The following ATIC variants were observed in gnomAD, a reference collection of about 807,000 sequenced individuals.
The protein encoded by ATIC is bifunctional purine biosynthesis protein ATIC.
Under a neutral mutation model 72.5 loss-of-function variants are expected in ATIC, and 64 were observed. That is an observed-to-expected ratio of 0.88 (90% CI 0.72 to 1.09). The LOEUF (loss-of-function observed/expected upper bound fraction) is 1.09. ATIC is among the 50% of genes least tolerant of loss of function. The pLI is 0.00. For synonymous variants in ATIC, 281 were observed against 267.1 expected (o/e 1.05, Z -0.51); for missense variants, 787 against 732.4 (o/e 1.07, Z -0.86).
At chr2:215,368,429 C>T in the ATIC span, among the ~76,000 whole-genome samples, 1 of 152,150 alleles carries the variant, frequency 6.6e-6, no homozygotes, top group Non-Finnish European at 1.5e-5. Flanking sequence ...TGCCTTGCTT[C>T]CCTCATCTGC....
At chr2:215,326,430 C>T (rs1375045351) in intron 6 of ATIC, among the ~76,000 whole-genome samples, 2 of 151,958 alleles carry the variant, frequency 1.3e-5, no homozygotes, top group East Asian at 1.9e-4. Flanking sequence ...TGTGGTGAAA[C>T]CCTGTCTCTA....
intron 11 of ATIC, among the ~76,000 whole-genome samples, chr2:215,336,853 G>A (rs1286023931): frequency 6.6e-6 from 1 of 152,138 alleles, no homozygotes; most frequent in Non-Finnish European, 1.5e-5. Flanking sequence ...AGATGTTGTA[G>A]GCAAATTCAT....
the ATIC span, chr2:215,362,057 C>T: frequency 6.3e-4 from 1,013 of 1,613,838 alleles, no homozygotes; most frequent in Non-Finnish European, 8.2e-4. Context: ...CCCAGGTCTG[C>T]GGCAGTTGTC....
rs1423098437 is a variant in ATIC at position 215,349,131 on chromosome 2, A to G, written c.1541A>G (p.Glu514Gly). ...ATAAAGTGGAAGGCACTGTTTGAGG[A>G]AGTCCCTGAGTTACTCACTGAGGCA... Reference protein sequence around the residue: ...DLIKWKALFEEVPELLTEAEK... With the variant: ...DLIKWKALFEGVPELLTEAEK... Residue 514 changes from glutamate to glycine, a missense_variant, in exon 15 of 16, where the codon GAA becomes GGA. Coordinates refer to ENST00000236959, the MANE Select transcript of ATIC (RefSeq NM_004044.7). The G allele has an allele frequency of 6.2e-7, 1 of 1,614,082 alleles. No homozygotes were observed.
At chr2:215,352,127 A>G (rs958642193), downstream of ATIC, among the ~76,000 whole-genome samples, 1 of 152,216 alleles carries the variant, frequency 6.6e-6, no homozygotes, top group African/African-American at 2.4e-5. Flanking sequence ...CTGGAACAAA[A>G]AAAGGACATT....
the ATIC span, chr2:215,365,356 A>G: frequency 1.1e-6 from 1 of 873,638 alleles, no homozygotes; most frequent in African/African-American, 1.7e-5. Context: ...GCTTGTCTCC[A>G]CTTTCCCAAA....
intron 11 of ATIC, among the ~76,000 whole-genome samples, chr2:215,337,927 G>A (rs2106027850): frequency 6.6e-6 from 1 of 152,276 alleles, no homozygotes; most frequent in Non-Finnish European, 1.5e-5. Flanking sequence ...CCCTCTACCT[G>A]ACTAATGATA....
intron 4 of ATIC, among the ~76,000 whole-genome samples, chr2:215,320,547 C>T (rs1043246861): frequency 2.0e-5 from 3 of 151,964 alleles, no homozygotes; most frequent in African/African-American, 7.2e-5. Flanking sequence ...AGGAGTTGCC[C>T]AGCTCTTTTA....
At chr2:215,318,073 G>A in intron 2 of ATIC, 84 bp from the exon 3 acceptor site, 2 of 1,247,496 alleles carry the variant, frequency 1.6e-6, no homozygotes, top group Admixed American at 1.7e-5. Context: ...AAAATCTCTT[G>A]AAATGAAAAC....
At chr2:215,368,062 A>G in the ATIC span, 1 of 1,606,404 alleles carries the variant, frequency 6.2e-7, no homozygotes, top group Non-Finnish European at 8.5e-7. Context: ...AAAAAGAGAC[A>G]TCTTATTAAT....
At chr2:215,328,525 C>A (rs1397924209) in intron 7 of ATIC, among the ~76,000 whole-genome samples, 1 of 152,040 alleles carries the variant, frequency 6.6e-6, no homozygotes, top group Admixed American at 6.6e-5. Flanking sequence ...GTCCCCTTCA[C>A]CCAGAATTCT....
At position 215,326,977 on chromosome 2, in the gene ATIC, A is replaced by G; in HGVS notation, c.687A>G (p.Thr229=). ...CACTGCAGCCCAAGCTTCCCATCACAGGTAAAGCCCGAGCGTTCTGTGGCA... is the reference window on the plus strand; with the variant it reads ...CACTGCAGCCCAAGCTTCCCATCACGGGTAAAGCCCGAGCGTTCTGTGGCA... ...LYTLQPKLPI[T]VLNGAPGFIN... The change falls in exon 7 of 16, where the codon ACA becomes ACG. Residue 229 remains threonine, a splice_region_variant and synonymous_variant. Transcript: ENST00000236959. 6.2e-7 allele frequency: 1 copy of G among 1,614,156 alleles called. No individual in the cohort carries two copies. Among genetic ancestry groups the G allele is most frequent in the Non-Finnish European group, 8.5e-7 (1 of 1,180,032 alleles).
intron 15 of ATIC, 136 bp downstream of exon 15, chr2:215,349,385 C>T: frequency 6.4e-7 from 1 of 1,567,958 alleles, no homozygotes; most frequent in Non-Finnish European, 8.7e-7. Context: ...TTTGACTTCT[C>T]CATTGGGTGG....
chr2:215,339,171 A>G (rs1568872), intron 12 of ATIC, among the ~76,000 whole-genome samples: 150,183 of 152,340 alleles, frequency 0.99, 74,048 homozygotes, highest in Middle Eastern at 1. Flanking sequence ...CCATAATCTG[A>G]CTCCTGTAAC....
chr2:215,352,702 T>G (rs2053139772), downstream of ATIC, among the ~76,000 whole-genome samples: 1 of 152,244 alleles, frequency 6.6e-6, no homozygotes, highest in Non-Finnish European at 1.5e-5. Flanking sequence ...CCAGTCACCT[T>G]TAGATCTCTC....
intron 12 of ATIC, among the ~76,000 whole-genome samples, chr2:215,339,491 G>A (rs1420210860): frequency 1.3e-5 from 2 of 152,118 alleles, no homozygotes; most frequent in African/African-American, 4.8e-5. Context: ...ACTCCTCTCT[G>A]GGTGACAGAA....
intron 5 of ATIC, among the ~76,000 whole-genome samples, 168 bp from the exon 6 acceptor site, chr2:215,325,819 G>A (rs2052817451): frequency 6.6e-6 from 1 of 152,136 alleles, no homozygotes; most frequent in Admixed American, 6.5e-5. Context: ...ACCTGCCTCA[G>A]CCTCCCAAAG....
chr2:215,358,555 T>C, the ATIC span, among the ~76,000 whole-genome samples: 7 of 152,164 alleles, frequency 4.6e-5, no homozygotes, highest in Non-Finnish European at 8.8e-5. Context: ...ACACATTAGA[T>C]TGGGGTTATC....
the ATIC span, chr2:215,361,318 T>A: frequency 3.7e-6 from 2 of 537,886 alleles, no homozygotes; most frequent in Non-Finnish European, 6.7e-6. Flanking sequence ...CTGAGCGGTA[T>A]TGAATACTTC....
Sources: gnomAD v4.1 joint callset for allele counts (sites outside exome capture counted in the v4.1 genomes callset) on GRCh38, gnomAD v4.1.1 for gene constraint, MANE v1.5 for transcripts, NCBI Gene and HGNC (gene_info 2026-07-23, HGNC 2026-07-21) for gene names.